The following SFI1 variants were observed in gnomAD, a reference collection of about 807,000 sequenced individuals.
SFI1 encodes protein SFI1 homolog.
A neutral mutation model predicts 207.5 loss-of-function variants in SFI1; 195 were observed. The ratio of observed to expected loss-of-function variants is 0.94; its 90% CI spans 0.84 to 1.06. The LOEUF (loss-of-function observed/expected upper bound fraction) is 1.06. Ranked by LOEUF, SFI1 falls within the 50% of genes least tolerant of loss-of-function variation. The pLI is 0.00. For missense variants in SFI1, 1,634 were observed against 1,588.0 expected (o/e 1.03, Z -0.49); for synonymous variants, 630 against 598.9 (o/e 1.05, Z -0.76).
At chr22:31,547,905 C>T (rs745396694) in intron 5 of SFI1, among the ~76,000 whole-genome samples, 2 of 150,316 alleles carry the variant, frequency 1.3e-5, no homozygotes, top group Non-Finnish European at 3.0e-5. Context: ...CCACCACACC[C>T]GGCCTTGTTT....
chr22:31,584,097 G>T lies in SFI1; in HGVS notation c.1346+125G>T, dbSNP rs1405900633. 1.4e-5 allele frequency: 11 copies of T among 786,198 alleles called. No individual in the cohort carries two copies. In the African/African-American group the frequency reaches 1.7e-4, roughly 12 times the overall value. The allele number at this position is 786,198 out of a possible 1,614,324, so 48.7% of individuals were successfully genotyped here. ...AGATTCAGAAAGGCCTGCTGGGGTG[G>T]AGGTCCTGCTGTAAACCATTTGTTC... On this transcript the variant is annotated intron_variant, in intron 13 of 32. Transcript: ENST00000400288.
intron 6 of SFI1, among the ~76,000 whole-genome samples, chr22:31,550,981 GACTT>G (rs758122036): frequency 2.6e-4 from 40 of 152,270 alleles, no homozygotes; most frequent in East Asian, 1.7e-3. Context: ...TGTCTAGGAA[GACTT>G]ACTTAGGAAT....
chr22:31,535,636 A>G (rs2058924591), intron 4 of SFI1, among the ~76,000 whole-genome samples: 1 of 151,764 alleles, frequency 6.6e-6, no homozygotes, highest in Admixed American at 6.6e-5. Flanking sequence ...CCTCTGCCTC[A>G]GCCTCCCAAG....
chr22:31,617,151 C>G (rs1332443715), intron 31 of SFI1, 73 bp downstream of exon 31: 1 of 1,533,086 alleles, frequency 6.5e-7, no homozygotes, highest in African/African-American at 1.4e-5. Flanking sequence ...GCAGGCAGTT[C>G]CATTTCCCCC....
At chr22:31,543,448 CTTA>C (rs533741799) in intron 4 of SFI1, among the ~76,000 whole-genome samples, 2 of 152,066 alleles carry the variant, frequency 1.3e-5, no homozygotes, top group Non-Finnish European at 2.9e-5. Flanking sequence ...TCACTCTTCT[CTTA>C]TTATTATTAT....
At position 31,594,646 on chromosome 22, in the gene SFI1, G is replaced by T. The variant is rs188202094; in HGVS notation, c.1544+5069G>T. ...CAAGGCGGGCGGATCACGAGGTCAG[G>T]AGATCAAGACCATCCTGGCTAACAC... On this transcript the variant is annotated intron_variant, in intron 15 of 32. Transcript: ENST00000400288. 5.5e-3 allele frequency among the ~76,000 whole-genome samples: 835 copies of T among 151,720 alleles called. 2 individuals carry two copies. The highest frequency in any genetic ancestry group is 0.01 in the Non-Finnish European group (685 of 67,938).
At chr22:31,612,426 T>TATATATATATATATATATATATATAA (rs1491348905) in intron 24 of SFI1, 13 of 99,898 alleles carry the variant, frequency 1.3e-4, no homozygotes, top group East Asian at 9.8e-4. Flanking sequence ...TATATATATA[T>TATATATATATATATATATATATATAA]AATCAGTGGG....
At position 31,561,305 on chromosome 22, in the gene SFI1, G is replaced by GT. The variant is rs1381402022; in HGVS notation, c.679dup (p.Trp227LeufsTer69). ...TGTTTCACAGGGTGTGGTGGAGCACGTGGAGGCAGCGACTAGGACAGGTCC... is the reference window on the plus strand; with the variant it reads ...TGTTTCACAGGGTGTGGTGGAGCACGTTGGAGGCAGCGACTAGGACAGGTCC... On this transcript the variant is annotated frameshift_variant, in exon 8 of 33. Coordinates refer to ENST00000400288, the MANE Select transcript of SFI1 (RefSeq NM_001007467.3). LOFTEE classifies it high-confidence loss of function. The GT allele has an allele frequency of 6.2e-7, 1 of 1,613,900 alleles. No homozygotes were observed. The highest frequency in any genetic ancestry group is 8.5e-7 in the Non-Finnish European group (1 of 1,179,966).
chr22:31,502,112 G>A (rs1239351117), intron 1 of SFI1, among the ~76,000 whole-genome samples: 3 of 152,072 alleles, frequency 2.0e-5, no homozygotes, highest in African/African-American at 7.2e-5. Context: ...TGAATCTTCT[G>A]TACATATATG....
At chr22:31,558,793 A>G (rs1419510925) in intron 7 of SFI1, among the ~76,000 whole-genome samples, 1 of 151,830 alleles carries the variant, frequency 6.6e-6, no homozygotes, top group Non-Finnish European at 1.5e-5. Context: ...ATATTTTTAT[A>G]TAATTAATTC....
intron 2 of SFI1, among the ~76,000 whole-genome samples, chr22:31,522,534 T>C (rs560278776): frequency 1.1e-4 from 17 of 152,344 alleles, no homozygotes; most frequent in Admixed American, 9.8e-4. Context: ...ATTATACTTT[T>C]CTGTTTCTAA....
chr22:31,591,018 G>T (rs1387926716), intron 15 of SFI1, among the ~76,000 whole-genome samples: 1 of 150,062 alleles, frequency 6.7e-6, no homozygotes, highest in African/African-American at 2.5e-5. Context: ...CTCACAGAGG[G>T]GGATTTGGCA....
chr22:31,612,394 AAAAAATATATAT>A (rs2070407009), intron 24 of SFI1: 1 of 107,360 alleles, frequency 9.3e-6, no homozygotes, highest in African/African-American at 3.7e-5. Context: ...AAAAAAAAAA[AAAAAATATATAT>A]ATATATATAT....
chr22:31,514,624 TCTC>T (rs767228897), intron 2 of SFI1, among the ~76,000 whole-genome samples: 2 of 152,032 alleles, frequency 1.3e-5, no homozygotes, highest in East Asian at 1.9e-4. Context: ...TAACCACCAT[TCTC>T]CTCTCTGTTT....
chr22:31,568,171 GTGTGTGTGTGTGTGTGTGTGTGT>G (rs1268382236), intron 8 of SFI1, among the ~76,000 whole-genome samples: 2 of 118,850 alleles, frequency 1.7e-5, no homozygotes, highest in Admixed American at 8.8e-5. Context: ...ATATATGTGT[GTGTGTGTGTGTGTGTGTGTGTGT>G]TGTGTGTGTG....
chr22:31,578,582 T>C, intron 11 of SFI1, 130 bp downstream of exon 11: 1 of 701,644 alleles, frequency 1.4e-6, no homozygotes. Context: ...CATGAAGCCC[T>C]CCTTTCATTG....
chr22:31,547,238 G>A (rs2060175725), intron 5 of SFI1, among the ~76,000 whole-genome samples: 1 of 152,066 alleles, frequency 6.6e-6, no homozygotes, highest in African/African-American at 2.4e-5. Flanking sequence ...TACTTTGAAT[G>A]GGATTTTCCC....
At chr22:31,601,127 ACTT>A (rs1452672171) in intron 15 of SFI1, among the ~76,000 whole-genome samples, 169 of 60,602 alleles carry the variant, frequency 2.8e-3, no homozygotes, top group Non-Finnish European at 4.2e-3. Flanking sequence ...ACTTTTCTTT[ACTT>A]TTTTTTTTTT....
chr22:31,592,747 A>G (rs1182411658), intron 15 of SFI1, among the ~76,000 whole-genome samples: 1 of 95,572 alleles, frequency 1.0e-5, no homozygotes, highest in East Asian at 3.6e-4. Context: ...ACTTCCCAGT[A>G]GGGGCGGCCG....
Sources: allele counts gnomAD v4.1 joint callset (sites outside exome capture counted in the v4.1 genomes callset), GRCh38; gene constraint gnomAD v4.1.1; transcripts MANE v1.5; gene names NCBI Gene and HGNC (gene_info 2026-07-23, HGNC 2026-07-21).